EFTUD2: variants seen among roughly 807,000 people sequenced by gnomAD.
The protein encoded by EFTUD2 is 116 kDa U5 small nuclear ribonucleoprotein component.
EFTUD2 carries 9 observed loss-of-function variants against 114.3 expected under a neutral mutation model. That is an observed-to-expected ratio of 0.08 (90% CI 0.05 to 0.14). The LOEUF (loss-of-function observed/expected upper bound fraction) is 0.14, where lower values mean the gene tolerates loss of function less well. Ranked by LOEUF, EFTUD2 falls within the 10% of genes least tolerant of loss-of-function variation. EFTUD2 has a pLI of 1.00. For missense variants in EFTUD2, 765 were observed against 1,241.2 expected (o/e 0.62, Z 5.76); for synonymous variants, 449 against 462.3 (o/e 0.97, Z 0.37).
chr17:44,876,865 A>AAAC (rs1261532494), intron 9 of EFTUD2, among the ~76,000 whole-genome samples: 1 of 149,650 alleles, frequency 6.7e-6, no homozygotes, highest in African/African-American at 2.5e-5. Context: ...CAAAAAAAAA[A>AAAC]AAAAAAAAAA....
At chr17:44,876,855 CAAAAAA>C (rs58892812) in intron 9 of EFTUD2, among the ~76,000 whole-genome samples, 26 of 48,228 alleles carry the variant, frequency 5.4e-4, no homozygotes, top group Non-Finnish European at 7.1e-4. Flanking sequence ...GACTCCGTCT[CAAAAAA>C]AAAAAAAAAA....
intron 19 of EFTUD2, 46 bp downstream of exon 19, chr17:44,859,034 G>T: frequency 7.8e-7 from 1 of 1,285,830 alleles, no homozygotes; most frequent in Non-Finnish European, 1.1e-6. Flanking sequence ...GGTCACTTGT[G>T]AAAAGTCTGG....
intron 16 of EFTUD2, among the ~76,000 whole-genome samples, chr17:44,861,438 A>G (rs1468297699): frequency 1.3e-5 from 2 of 150,886 alleles, no homozygotes; most frequent in African/African-American, 4.9e-5. Flanking sequence ...GAGAGAAAAA[A>G]AAAAAAAAAA....
intron 8 of EFTUD2, 50 bp downstream of exon 8, chr17:44,880,504 C>T (rs771534835): frequency 2.8e-5 from 42 of 1,484,076 alleles, no homozygotes; most frequent in Middle Eastern, 1.7e-4. Flanking sequence ...AGAGGACACA[C>T]GCAAAACCAA....
At position 44,860,557 on chromosome 17, in the gene EFTUD2, C is replaced by CA. The variant is rs1477081786; in HGVS notation, c.1608-15dup. On this transcript the variant is annotated splice_polypyrimidine_tract_variant and intron_variant, in intron 16 of 27. Transcript: ENST00000426333. Reference sequence around the variant, plus strand: ...TCGATGTGGTACCTGAAGCAATGTCCAATAAGCAGCAGTGAAACTTAGGCA... The same window carrying CA: ...TCGATGTGGTACCTGAAGCAATGTCCAAATAAGCAGCAGTGAAACTTAGGCA... The CA allele has an allele frequency of 6.6e-7, 1 of 1,511,620 alleles. No homozygotes were observed. Among genetic ancestry groups the CA allele is most frequent in the South Asian group, 1.1e-5 (1 of 89,080 alleles). 93.6% of individuals were successfully genotyped at this position (1,511,620 alleles called of 1,614,324 possible). A position where few individuals can be genotyped will look rare whatever the true frequency, so the allele number is the denominator to read the frequency against.
At chr17:44,856,241 G>A (rs1029253020) in intron 20 of EFTUD2, among the ~76,000 whole-genome samples, 1 of 151,574 alleles carries the variant, frequency 6.6e-6, no homozygotes, top group Non-Finnish European at 1.5e-5. Flanking sequence ...ATGAAAGTAA[G>A]GTTTAAGCTG....
At position 44,880,535 on chromosome 17, in the gene EFTUD2, A is replaced by G; in HGVS notation, c.619+19T>C. 6.2e-7 allele frequency: 1 copy of G among 1,605,420 alleles called. No homozygotes were observed. Among genetic ancestry groups the G allele is most frequent in the Non-Finnish European group, 8.5e-7 (1 of 1,172,988 alleles). On this transcript the variant is annotated intron_variant, in intron 8 of 27. Coordinates refer to ENST00000426333, the MANE Select transcript of EFTUD2 (RefSeq NM_004247.4). ...ACCAAGACAAGGTTCTAATAATCAA[A>G]AGCCAAAGGATGTCCTACCTGGAGT...
At chr17:44,890,349 C>T (rs545110447) in intron 2 of EFTUD2, among the ~76,000 whole-genome samples, 5 of 151,312 alleles carry the variant, frequency 3.3e-5, no homozygotes, top group African/African-American at 9.7e-5. Flanking sequence ...TTCCTGTCCC[C>T]ATTACCAAAA....
chr17:44,894,893 T>C (rs936224802), intron 1 of EFTUD2, among the ~76,000 whole-genome samples: 1 of 152,256 alleles, frequency 6.6e-6, no homozygotes, highest in African/African-American at 2.4e-5. Context: ...TTTTTAATAC[T>C]AAATTTAATT....
chr17:44,853,967 G>T lies in EFTUD2; in HGVS notation c.2347+302C>A, dbSNP rs1418868339. Reference sequence around the variant, plus strand: ...ATTTGGTCCATGAAGCCCAATCAGGGTCTATAAACCATTCCAATCTCATCA... The same window carrying T: ...ATTTGGTCCATGAAGCCCAATCAGGTTCTATAAACCATTCCAATCTCATCA... On this transcript the variant is annotated intron_variant, in intron 23 of 27. Coordinates refer to ENST00000426333, the MANE Select transcript of EFTUD2 (RefSeq NM_004247.4). 5.1e-6 allele frequency: 7 copies of T among 1,359,400 alleles called. No individual in the cohort carries two copies. The East Asian group carries it at 1.7e-4, about 32-fold the overall frequency. 84.2% of individuals were successfully genotyped at this position (1,359,400 alleles called of 1,614,324 possible). A position where few individuals can be genotyped will look rare whatever the true frequency, so the allele number is the denominator to read the frequency against.
At chr17:44,865,375 T>G in intron 13 of EFTUD2, 1 of 275,484 alleles carries the variant, frequency 3.6e-6, no homozygotes, top group Non-Finnish European at 6.9e-6. Context: ...AGAAACTCCC[T>G]CACCTATTAA....
intron 12 of EFTUD2, 116 bp downstream of exon 12, chr17:44,868,171 A>G (rs1054886105): frequency 9.5e-5 from 87 of 919,866 alleles, no homozygotes; most frequent in Non-Finnish European, 1.2e-4. Flanking sequence ...GGTAGTTTAC[A>G]TTAAAAAAAA....
chr17:44,880,558 A>G lies in EFTUD2; in HGVS notation c.615T>C (p.Thr205=). The change falls in exon 8 of 28, where the codon ACT becomes ACC. Residue 205 remains threonine, a synonymous_variant. Coordinates refer to ENST00000426333, the MANE Select transcript of EFTUD2 (RefSeq NM_004247.4). ...AAAAGCCAAAGGATGTCCTACCTGGAGTGTCCATGATATTGAAGAGATAAG... is the reference window on the plus strand; with the variant it reads ...AAAAGCCAAAGGATGTCCTACCTGGGGTGTCCATGATATTGAAGAGATAAG... The part of the protein sequence containing the change: ...GKSYLFNIMD[T]PGHVNFSDEV... 6.2e-7 allele frequency: 1 copy of G among 1,612,950 alleles called. No individual in the cohort carries two copies. The highest frequency in any genetic ancestry group is 8.5e-7 in the Non-Finnish European group (1 of 1,179,132).
chr17:44,898,682 TCTC>T (rs1271132142), intron 1 of EFTUD2, among the ~76,000 whole-genome samples: 1 of 152,224 alleles, frequency 6.6e-6, no homozygotes, highest in African/African-American at 2.4e-5. Context: ...AATGTCATCT[TCTC>T]TGTCACTCTA....
intron 4 of EFTUD2, among the ~76,000 whole-genome samples, chr17:44,884,569 A>G (rs1313135214): frequency 2.0e-5 from 3 of 151,220 alleles, no homozygotes; most frequent in African/African-American, 7.3e-5. Context: ...CTACACATAT[A>G]TCTACCTCCT....
chr17:44,894,257 C>A (rs2051336046), intron 2 of EFTUD2, 160 bp downstream of exon 2: 2 of 608,380 alleles, frequency 3.3e-6, no homozygotes, highest in African/African-American at 1.9e-5. Context: ...GTAGTCCCAG[C>A]TACTTGGGAG....
At chr17:44,874,599 G>C (rs2050913750) in intron 10 of EFTUD2, among the ~76,000 whole-genome samples, 1 of 152,136 alleles carries the variant, frequency 6.6e-6, no homozygotes, top group South Asian at 2.1e-4. Flanking sequence ...CCATTTGAGG[G>C]GCTGCAGGAA....
intron 13 of EFTUD2, among the ~76,000 whole-genome samples, chr17:44,867,067 A>G (rs765420553): frequency 6.6e-6 from 1 of 152,194 alleles, no homozygotes; most frequent in Non-Finnish European, 1.5e-5. Context: ...TGATCGTGCT[A>G]TTGCACTCCC....
At chr17:44,888,932 C>CATAA (rs34256436) in intron 2 of EFTUD2, among the ~76,000 whole-genome samples, 39,643 of 151,784 alleles carry the variant, frequency 0.26, 5,205 homozygotes, top group Non-Finnish European at 0.28. Context: ...TCTGAGTCGT[C>CATAA]ATAAAGTTAT....
Sources: gnomAD v4.1 joint callset for allele counts (sites outside exome capture counted in the v4.1 genomes callset) on GRCh38, gnomAD v4.1.1 for gene constraint, MANE v1.5 for transcripts, NCBI Gene and HGNC (gene_info 2026-07-23, HGNC 2026-07-21) for gene names.